Variants in BIN3 observed in about 807,000 individuals in gnomAD.
BIN3 encodes the protein bridging integrator 3.
BIN3 carries 41 observed loss-of-function variants against 38.2 expected under a neutral mutation model. The ratio of observed to expected loss-of-function variants is 1.07; its 90% CI spans 0.84 to 1.39. BIN3 has a LOEUF of 1.39. Among genes scored for constraint, BIN3 ranks in the 40% most tolerant of loss-of-function variants. The pLI, the probability that BIN3 is intolerant of heterozygous loss-of-function variation, is 0.00. For synonymous variants in BIN3, 145 were observed against 122.6 expected, an observed-to-expected ratio of 1.18 and a Z score of -1.21; for missense variants, 361 against 324.3, an observed-to-expected ratio of 1.11 and a Z score of -0.87.
chr8:22,650,031 A>G (rs1437174013), intron 1 of BIN3, among the ~76,000 whole-genome samples: 1 of 152,200 alleles, frequency 6.6e-6, no homozygotes, highest in Non-Finnish European at 1.5e-5. Flanking sequence ...AGAGCTACGG[A>G]AGTAAAATGA....
intron 1 of BIN3, among the ~76,000 whole-genome samples, chr8:22,667,298 A>AT (rs1803452417): frequency 6.6e-6 from 1 of 151,956 alleles, no homozygotes; most frequent in Non-Finnish European, 1.5e-5. Context: ...ATGGGCTACT[A>AT]TTTTTTCAGA....
chr8:22,628,648 T>C (rs1484577901), intron 6 of BIN3, among the ~76,000 whole-genome samples: 1 of 152,240 alleles, frequency 6.6e-6, no homozygotes, highest in Admixed American at 6.5e-5. Flanking sequence ...TTGCTGATAC[T>C]GAAACTGAGG....
At chr8:22,639,095 A>G (rs970781177) in intron 2 of BIN3, among the ~76,000 whole-genome samples, 5 of 152,008 alleles carry the variant, frequency 3.3e-5, no homozygotes, top group Non-Finnish European at 7.4e-5. Flanking sequence ...GAGCCTCGCC[A>G]GGGCCCTTGA....
At chr8:22,636,743 T>C (rs1802379607) in intron 3 of BIN3, 157 bp from the exon 4 acceptor site, 1 of 982,154 alleles carries the variant, frequency 1.0e-6, no homozygotes, top group Non-Finnish European at 1.5e-6. Context: ...CCAAAGGCTA[T>C]GAGTGAATGA....
At chr8:22,622,076 G>T (rs1043472512) in intron 8 of BIN3, among the ~76,000 whole-genome samples, 4 of 152,204 alleles carry the variant, frequency 2.6e-5, no homozygotes, top group Non-Finnish European at 5.9e-5. Context: ...TGCGTGGCCA[G>T]GGGGACAGCT....
chr8:22,626,361 G>C (rs1802004463), intron 6 of BIN3: 1 of 152,406 alleles, frequency 6.6e-6, no homozygotes, highest in African/African-American at 2.4e-5. Flanking sequence ...GCCCAGGGCG[G>C]CTGCGTGGTG....
chr8:22,623,019 G>A (rs564398257), intron 8 of BIN3, among the ~76,000 whole-genome samples: 1 of 152,344 alleles, frequency 6.6e-6, no homozygotes, highest in South Asian at 2.1e-4. Flanking sequence ...TCACGGCTGC[G>A]ACTACGGGCC....
chr8:22,661,530 G>A (rs1437482821), intron 1 of BIN3, among the ~76,000 whole-genome samples: 1 of 151,220 alleles, frequency 6.6e-6, no homozygotes, highest in Non-Finnish European at 1.5e-5. Context: ...GCTAATCTTT[G>A]TATTTTTAGT....
At chr8:22,660,893 T>A (rs1803214116) in intron 1 of BIN3, among the ~76,000 whole-genome samples, 1 of 152,142 alleles carries the variant, frequency 6.6e-6, no homozygotes, top group South Asian at 2.1e-4. Flanking sequence ...CTTTTTTAAC[T>A]TAGTTTTTTT....
chr8:22,636,553 G>C lies in BIN3; in HGVS notation c.132C>G (p.Asp44Glu), dbSNP rs1180231019. The C allele has an allele frequency of 1.3e-6, 2 of 1,552,822 alleles. No homozygotes were observed. Among genetic ancestry groups the C allele is most frequent in the African/African-American group, 1.4e-5 (1 of 73,110 alleles). The stretch of plus-strand genomic sequence containing the variant: ...GGTCTGCGTCGGTGCTCTTCTTCAT[G>C]TCTTTCTGCAGCCTCCGGGTCTGCT... ...LEEQTRRLQK[D>E]MKKSTDADLA... is the part of the protein sequence containing the mutation. The change falls in exon 4 of 9, where the codon GAC becomes GAG. Residue 44 changes from aspartate (D) to glutamate (E), a missense_variant. By Grantham distance (45) the Asp-to-Glu change is conservative. Coordinates refer to ENST00000276416, the MANE Select transcript of BIN3 (RefSeq NM_018688.6).
intron 1 of BIN3, among the ~76,000 whole-genome samples, chr8:22,660,350 C>T (rs892104556): frequency 3.9e-5 from 6 of 152,284 alleles, no homozygotes; most frequent in African/African-American, 1.4e-4. Flanking sequence ...AGCACCTCTA[C>T]TGGCCTCATC....
rs534026925 is a variant in BIN3, at chr8:22,621,583, A to T, written c.616-15T>A. ...TAGTACACAACCTGGGGGAGGCGACAGGGGTTGGCACGTGCTGGCTCCAGG... is the reference window on the plus strand; with the variant it reads ...TAGTACACAACCTGGGGGAGGCGACTGGGGTTGGCACGTGCTGGCTCCAGG... On this transcript the variant is annotated splice_polypyrimidine_tract_variant and intron_variant, in intron 8 of 8. Transcript: ENST00000276416. 6.3e-7 allele frequency: 1 copy of T among 1,583,008 alleles called. No homozygotes were observed. The highest frequency in any genetic ancestry group is 8.6e-7 in the Non-Finnish European group (1 of 1,159,562).
At chr8:22,653,749 TACC>T (rs2117581011) in intron 1 of BIN3, among the ~76,000 whole-genome samples, 1 of 152,320 alleles carries the variant, frequency 6.6e-6, no homozygotes, top group African/African-American at 2.4e-5. Flanking sequence ...TGTTTCAGTT[TACC>T]ACAACATAGG....
chr8:22,629,855 C>T, intron 6 of BIN3, 109 bp downstream of exon 6: 1 of 1,113,382 alleles, frequency 9.0e-7, no homozygotes, highest in Non-Finnish European at 1.3e-6. Flanking sequence ...CCCGTCAGGC[C>T]CCATGGGAAT....
At chr8:22,623,053 C>T (rs1453318495) in intron 8 of BIN3, among the ~76,000 whole-genome samples, 1 of 152,182 alleles carries the variant, frequency 6.6e-6, no homozygotes, top group Admixed American at 6.5e-5. Flanking sequence ...CACTGGAGGG[C>T]GCCAGACGCC....
chr8:22,624,088 C>A, intron 7 of BIN3, 39 bp from the exon 8 acceptor site: 1 of 787,932 alleles, frequency 1.3e-6, no homozygotes, highest in South Asian at 1.3e-5. Context: ...TCTCTCACTG[C>A]TGGGTGCCGG....
intron 1 of BIN3, among the ~76,000 whole-genome samples, chr8:22,646,940 A>G (rs73671241): frequency 0.015 from 2,326 of 152,312 alleles, 54 homozygotes; most frequent in African/African-American, 0.052. Flanking sequence ...ATGAGGTCCC[A>G]GTGGCATTGC....
chr8:22,668,311 G>C (rs538680661), intron 1 of BIN3, among the ~76,000 whole-genome samples: 3 of 151,994 alleles, frequency 2.0e-5, no homozygotes, highest in African/African-American at 7.3e-5. Flanking sequence ...CCATTATGAA[G>C]TGTCTACTAT....
intron 1 of BIN3, among the ~76,000 whole-genome samples, chr8:22,662,788 C>T (rs1563171363): frequency 1.3e-5 from 2 of 152,052 alleles, no homozygotes; most frequent in Non-Finnish European, 1.5e-5. Context: ...CATATGCACT[C>T]ACCTCAGGAA....
Sources: allele counts gnomAD v4.1 joint callset (sites outside exome capture counted in the v4.1 genomes callset), GRCh38; gene constraint gnomAD v4.1.1; transcripts MANE v1.5; gene names NCBI Gene and HGNC (gene_info 2026-07-23, HGNC 2026-07-21).